Variants in ZDHHC14 observed in about 807,000 individuals in gnomAD.
ZDHHC14 encodes the protein palmitoyltransferase ZDHHC14.
A neutral mutation model predicts 47.7 loss-of-function variants in ZDHHC14; 16 were observed. The observed-to-expected ratio is 0.34, with a 90% CI of 0.23 to 0.51. The LOEUF is 0.51. Among genes scored for constraint, ZDHHC14 ranks in the 20% least tolerant of loss-of-function variants. The pLI is 0.97. For missense variants in ZDHHC14, 515 were observed against 662.5 expected (o/e 0.78, Z 2.44); for synonymous variants, 293 against 278.9 (o/e 1.05, Z -0.50).
intron 8 of ZDHHC14, among the ~76,000 whole-genome samples, chr6:157,654,153 C>G (rs78365721): frequency 0.014 from 2,144 of 152,278 alleles, 28 homozygotes; most frequent in African/African-American, 0.026. Flanking sequence ...CTGACCAGTG[C>G]CTCTCCAGAG....
intron 1 of ZDHHC14, among the ~76,000 whole-genome samples, chr6:157,425,648 T>C (rs1778202704): frequency 6.6e-6 from 1 of 152,218 alleles, no homozygotes; most frequent in African/African-American, 2.4e-5. Flanking sequence ...AGGGATCTTT[T>C]CAAAAGGCAG....
At chr6:157,409,859 T>G (rs932146559) in intron 1 of ZDHHC14, among the ~76,000 whole-genome samples, 1 of 151,962 alleles carries the variant, frequency 6.6e-6, no homozygotes, top group Admixed American at 6.6e-5. Flanking sequence ...GACAGAGTCT[T>G]CTTCTGTCAC....
chr6:157,405,325 T>C (rs905745398), intron 1 of ZDHHC14, among the ~76,000 whole-genome samples: 3 of 152,098 alleles, frequency 2.0e-5, no homozygotes, highest in African/African-American at 4.8e-5. Context: ...CTCCGCCTCC[T>C]GGGTTCACAC....
intron 3 of ZDHHC14, among the ~76,000 whole-genome samples, chr6:157,623,147 C>T (rs1785260070): frequency 6.6e-6 from 1 of 152,158 alleles, no homozygotes; most frequent in Non-Finnish European, 1.5e-5. Context: ...TAGGGAGTAG[C>T]TCCTCATCTT....
At chr6:157,576,979 C>T (rs970869899) in intron 2 of ZDHHC14, among the ~76,000 whole-genome samples, 9 of 152,072 alleles carry the variant, frequency 5.9e-5, no homozygotes, top group Admixed American at 1.3e-4. Context: ...CAGGTACTAC[C>T]CCACAGGTAT....
intron 1 of ZDHHC14, among the ~76,000 whole-genome samples, chr6:157,410,917 G>A (rs1021445956): frequency 6.6e-6 from 1 of 152,084 alleles, no homozygotes; most frequent in African/African-American, 2.4e-5. Context: ...GGATGGTCTC[G>A]ATCTTCTGAC....
At chr6:157,402,040 C>T (rs1393449998) in intron 1 of ZDHHC14, among the ~76,000 whole-genome samples, 1 of 148,716 alleles carries the variant, frequency 6.7e-6, no homozygotes, top group Non-Finnish European at 1.5e-5. Flanking sequence ...GAGATGTGCA[C>T]CTGCTGAAGT....
chr6:157,671,584 T>G (rs1001901306), intron 8 of ZDHHC14, among the ~76,000 whole-genome samples: 9 of 152,230 alleles, frequency 5.9e-5, no homozygotes, highest in African/African-American at 2.2e-4. Flanking sequence ...AGGAGAGGGT[T>G]TGCGGAGCTA....
At chr6:157,438,364 G>A (rs1011392275) in intron 1 of ZDHHC14, among the ~76,000 whole-genome samples, 12 of 152,160 alleles carry the variant, frequency 7.9e-5, no homozygotes, top group Non-Finnish European at 1.5e-4. Flanking sequence ...AAATCTCTAA[G>A]GTAGCCATAT....
At chr6:157,508,658 G>T (rs1465540349) in intron 1 of ZDHHC14, among the ~76,000 whole-genome samples, 1 of 152,180 alleles carries the variant, frequency 6.6e-6, no homozygotes, top group Non-Finnish European at 1.5e-5. Flanking sequence ...GATTAAAGGT[G>T]TGAGCCACTG....
At chr6:157,552,836 G>T (rs1782293189) in intron 2 of ZDHHC14, among the ~76,000 whole-genome samples, 1 of 152,258 alleles carries the variant, frequency 6.6e-6, no homozygotes, top group African/African-American at 2.4e-5. Context: ...AGTTTTTGGT[G>T]GCTGGAGTTG....
At chr6:157,623,302 G>A (rs1444143712) in intron 3 of ZDHHC14, among the ~76,000 whole-genome samples, 1 of 152,080 alleles carries the variant, frequency 6.6e-6, no homozygotes, top group Non-Finnish European at 1.5e-5. Flanking sequence ...GATAGTGAGT[G>A]AGTTCTCATG....
intron 3 of ZDHHC14, among the ~76,000 whole-genome samples, chr6:157,605,672 G>A (rs1000470041): frequency 5.3e-5 from 8 of 152,156 alleles, no homozygotes; most frequent in Admixed American, 2.0e-4. Context: ...GCCTGAAAGC[G>A]GGCAAGCAGC....
At position 157,555,269 on chromosome 6, in the gene ZDHHC14, G is replaced by C. The variant is rs111753732; in HGVS notation, c.406+12524G>C. 2.0e-4 allele frequency among the ~76,000 whole-genome samples: 30 copies of C among 152,296 alleles called. 1 individual carries two copies. The highest frequency in any genetic ancestry group is 7.2e-4 in the African/African-American group (30 of 41,566). On this transcript the variant is annotated intron_variant, in intron 2 of 8. Coordinates refer to ENST00000359775, the MANE Select transcript of ZDHHC14 (RefSeq NM_024630.3). ...TGCCAACAAAAAGTTCATGTTCCTA[G>C]AAAGGAACACAGACACGGAGCTGGT...
chr6:157,643,676 T>TATATATATATATATATATATATA (rs1777374150), intron 5 of ZDHHC14, among the ~76,000 whole-genome samples: 1 of 125,604 alleles, frequency 8.0e-6, no homozygotes, highest in Non-Finnish European at 1.7e-5. Context: ...TATATATATA[T>TATATATATATATATATATATATA]GCTGTATTTT....
At position 157,672,730 on chromosome 6, in the gene ZDHHC14, C is replaced by T. The variant is rs776548957; in HGVS notation, c.1075C>T (p.Gln359Ter). 1 of 1,612,008 alleles carries T rather than the reference C, an allele frequency of 6.2e-7. No homozygotes were observed. Among genetic ancestry groups the T allele is most frequent in the African/African-American group, 1.3e-5 (1 of 74,732 alleles). Residue 359 changes from glutamine (Q) to a stop codon, truncating the protein, a stop_gained, in exon 9 of 9, where the codon CAA becomes TAA. Coordinates refer to ENST00000359775, the MANE Select transcript of ZDHHC14 (RefSeq NM_024630.3). LOFTEE classifies it high-confidence loss of function. Reference sequence around the variant, plus strand: ...GGCGCCTCCCGCTCTCCAGTGCGACCAAGACCAGTGCATTCAGAGCACCAA... The same window carrying T: ...GGCGCCTCCCGCTCTCCAGTGCGACTAAGACCAGTGCATTCAGAGCACCAA... ...ATQSQSDMCD[Q>*]DQCIQSTKFV...
intron 4 of ZDHHC14, chr6:157,630,916 C>T (rs1583044726): frequency 6.8e-6 from 1 of 146,634 alleles, no homozygotes; most frequent in African/African-American, 2.5e-5. Context: ...ACACTCATAC[C>T]CTTACACTGT....
At chr6:157,617,315 A>G (rs1785005940) in intron 3 of ZDHHC14, among the ~76,000 whole-genome samples, 1 of 152,176 alleles carries the variant, frequency 6.6e-6, no homozygotes, top group African/African-American at 2.4e-5. Flanking sequence ...CAATAATAGT[A>G]ACGAGGTTGC....
intron 5 of ZDHHC14, among the ~76,000 whole-genome samples, chr6:157,639,594 A>C (rs1048318874): frequency 6.6e-6 from 1 of 152,132 alleles, no homozygotes; most frequent in Admixed American, 6.5e-5. Context: ...GAGCCACTGC[A>C]CCCGGCAAGA....
Sources: gnomAD v4.1 joint callset for allele counts (sites outside exome capture counted in the v4.1 genomes callset) on GRCh38, gnomAD v4.1.1 for gene constraint, MANE v1.5 for transcripts, NCBI Gene and HGNC (gene_info 2026-07-23, HGNC 2026-07-21) for gene names.